The following TCF4 variants were observed in gnomAD, a reference collection of about 807,000 sequenced individuals.
The protein encoded by TCF4 is SL3-3 enhancer factor 2.
TCF4 carries 3 observed loss-of-function variants against 82.1 expected under a neutral mutation model. The ratio of observed to expected loss-of-function variants is 0.04; its 90% CI spans 0.02 to 0.09. The LOEUF is 0.09. TCF4 is among the 10% of genes least tolerant of loss of function. TCF4 has a pLI of 1.00. For missense variants in TCF4, 518 were observed against 852.7 expected (o/e 0.61, Z 4.89); for synonymous variants, 276 against 309.6 (o/e 0.89, Z 1.14).
At chr18:55,375,313 C>T (rs990460077) in intron 6 of TCF4, among the ~76,000 whole-genome samples, 1 of 152,064 alleles carries the variant, frequency 6.6e-6, no homozygotes, top group Non-Finnish European at 1.5e-5. Context: ...CACATGCACA[C>T]AAGCATACAC....
intron 10 of TCF4, among the ~76,000 whole-genome samples, chr18:55,275,362 C>A (rs981221306): frequency 6.7e-6 from 1 of 150,106 alleles, no homozygotes; most frequent in African/African-American, 2.5e-5. Context: ...CCCAAGGAAG[C>A]TGACATTGTG....
intron 8 of TCF4, among the ~76,000 whole-genome samples, chr18:55,310,991 G>A (rs1471307634): frequency 6.6e-6 from 1 of 152,126 alleles, no homozygotes; most frequent in Non-Finnish European, 1.5e-5. Flanking sequence ...TATTCTAACA[G>A]CTGCTTTGAA....
At chr18:55,367,657 G>T (rs952190381) in intron 6 of TCF4, among the ~76,000 whole-genome samples, 2 of 152,200 alleles carry the variant, frequency 1.3e-5, no homozygotes, top group Non-Finnish European at 2.9e-5. Flanking sequence ...TTATGAATGT[G>T]CAGGAAAACA....
At chr18:55,283,974 A>G (rs2063154460) in intron 8 of TCF4, among the ~76,000 whole-genome samples, 1 of 152,194 alleles carries the variant, frequency 6.6e-6, no homozygotes, top group African/African-American at 2.4e-5. Flanking sequence ...ATCAAAGTCT[A>G]TGTTCTTTCC....
intron 6 of TCF4, among the ~76,000 whole-genome samples, chr18:55,366,575 A>T (rs1172167179): frequency 6.6e-6 from 1 of 152,244 alleles, no homozygotes; most frequent in Non-Finnish European, 1.5e-5. Flanking sequence ...TTAAAAGAAA[A>T]TTTACTACAT....
In TCF4 at chr18:55,554,293, T is replaced by C. The variant is rs940810840; in HGVS notation, c.145+30987A>G. Among the ~76,000 whole-genome samples, 5 of 152,130 alleles carry C rather than the reference T, an allele frequency of 3.3e-5. No homozygotes were observed. The East Asian group carries it at 9.7e-4, about 29-fold the overall frequency. On this transcript the variant is annotated intron_variant, in intron 3 of 19. Transcript: ENST00000354452. ...GGTGGAATAGGAGGAGGGGAGAAAA[T>C]AGAGCATCTATTGAGAAAGCAGAAA...
intron 6 of TCF4, among the ~76,000 whole-genome samples, chr18:55,373,341 T>C (rs1206641512): frequency 6.6e-6 from 1 of 152,014 alleles, no homozygotes; most frequent in Non-Finnish European, 1.5e-5. Context: ...ACCAAAAATA[T>C]AAAATATTCC....
At chr18:55,477,554 T>C (rs1489360315) in intron 3 of TCF4, among the ~76,000 whole-genome samples, 1 of 152,172 alleles carries the variant, frequency 6.6e-6, no homozygotes, top group Non-Finnish European at 1.5e-5. Flanking sequence ...GTGTCCTTTT[T>C]CACAGGGCAG....
intron 3 of TCF4, among the ~76,000 whole-genome samples, chr18:55,523,886 C>G (rs897249399): frequency 1.3e-5 from 2 of 151,984 alleles, no homozygotes; most frequent in Non-Finnish European, 2.9e-5. Flanking sequence ...TTTTAGTTCA[C>G]ACAGATTTAA....
chr18:55,327,115 C>G (rs1602789240), intron 8 of TCF4, among the ~76,000 whole-genome samples: 1 of 152,114 alleles, frequency 6.6e-6, no homozygotes, highest in South Asian at 2.1e-4. Flanking sequence ...GTATTGAAAT[C>G]TTAAGACTAT....
intron 6 of TCF4, chr18:55,402,222 T>C: frequency 1.0e-6 from 1 of 985,396 alleles, no homozygotes; most frequent in Non-Finnish European, 1.2e-6. Context: ...AATTGGTGGC[T>C]GGGCCAAGGG....
intron 8 of TCF4, among the ~76,000 whole-genome samples, chr18:55,338,882 G>A (rs1285024629): frequency 6.6e-6 from 1 of 152,212 alleles, no homozygotes; most frequent in Non-Finnish European, 1.5e-5. Flanking sequence ...TCAAAAGTCT[G>A]AGAGTACCCT....
intron 12 of TCF4, chr18:55,261,190 G>C: frequency 2.3e-6 from 1 of 426,676 alleles, no homozygotes; most frequent in Non-Finnish European, 4.3e-6. Context: ...TAAGACATCA[G>C]TATAAAAAAC....
chr18:55,439,308 C>A (rs2147296621), intron 5 of TCF4, among the ~76,000 whole-genome samples: 1 of 152,220 alleles, frequency 6.6e-6, no homozygotes, highest in Admixed American at 6.5e-5. Context: ...AAAAAGCAGG[C>A]ACCACGCTGA....
intron 15 of TCF4, among the ~76,000 whole-genome samples, chr18:55,252,409 T>C (rs992759082): frequency 6.6e-6 from 1 of 152,054 alleles, no homozygotes; most frequent in African/African-American, 2.4e-5. Context: ...AAGGGGTTTC[T>C]ATGTAATATT....
At chr18:55,584,875 A>G (rs1182287030) in intron 3 of TCF4, among the ~76,000 whole-genome samples, 1 of 152,202 alleles carries the variant, frequency 6.6e-6, no homozygotes, top group Non-Finnish European at 1.5e-5. Context: ...GGTTAATTGT[A>G]TACAGTACCT....
At chr18:55,598,709 A>G (rs2097693715) in intron 2 of TCF4, among the ~76,000 whole-genome samples, 1 of 152,262 alleles carries the variant, frequency 6.6e-6, no homozygotes, top group Non-Finnish European at 1.5e-5. Flanking sequence ...TGTATAGATT[A>G]GCAGAAAAGC....
intron 8 of TCF4, among the ~76,000 whole-genome samples, chr18:55,294,496 G>C (rs150893269): frequency 1.3e-5 from 2 of 152,136 alleles, no homozygotes; most frequent in Non-Finnish European, 1.5e-5. Context: ...CAGAATTTTA[G>C]TGTTGAAGGG....
chr18:55,384,214 G>A (rs2092357705), intron 6 of TCF4: 1 of 152,208 alleles, frequency 6.6e-6, no homozygotes, highest in Non-Finnish European at 1.5e-5. Context: ...TCTCTGTTGT[G>A]TTCACTCAAA....
Sources: allele counts gnomAD v4.1 joint callset (sites outside exome capture counted in the v4.1 genomes callset), GRCh38; gene constraint gnomAD v4.1.1; transcripts MANE v1.5; gene names NCBI Gene and HGNC (gene_info 2026-07-23, HGNC 2026-07-21).